THSD7A: variants seen among roughly 807,000 people sequenced by gnomAD.
THSD7A encodes thrombospondin type 1 domain containing 7A, also known as thrombospondin type-1 domain-containing protein 7A.
THSD7A carries 96 observed loss-of-function variants against 231.3 expected under a neutral mutation model. The observed-to-expected ratio is 0.41, with a 90% CI of 0.35 to 0.49. THSD7A has a LOEUF of 0.49. Among genes scored for constraint, THSD7A ranks in the 20% least tolerant of loss-of-function variants. The pLI, the probability that THSD7A is intolerant of heterozygous loss-of-function variation, is 0.05. For missense variants in THSD7A, 2,290 were observed against 2,070.2 expected, an observed-to-expected ratio of 1.11 and a Z score of -2.06; for synonymous variants, 940 against 743.3, an observed-to-expected ratio of 1.26 and a Z score of -4.30.
At chr7:11,415,526 A>T (rs1783930792) in intron 17 of THSD7A, among the ~76,000 whole-genome samples, 1 of 152,232 alleles carries the variant, frequency 6.6e-6, no homozygotes, top group Non-Finnish European at 1.5e-5. Flanking sequence ...AGAGGAGATC[A>T]GTCATTCTTC....
At chr7:11,482,365 C>T (rs1786463146) in intron 6 of THSD7A, among the ~76,000 whole-genome samples, 1 of 152,136 alleles carries the variant, frequency 6.6e-6, no homozygotes, top group African/African-American at 2.4e-5. Flanking sequence ...CTATGATTTA[C>T]AAATAATGAC....
chr7:11,713,606 T>G (rs945954743), intron 1 of THSD7A, among the ~76,000 whole-genome samples: 1 of 151,156 alleles, frequency 6.6e-6, no homozygotes, highest in Admixed American at 6.6e-5. Context: ...CAATTGTATA[T>G]GTACCTGATG....
intron 6 of THSD7A, among the ~76,000 whole-genome samples, chr7:11,502,154 A>G (rs373152160): frequency 2.0e-5 from 3 of 152,108 alleles, no homozygotes; most frequent in Non-Finnish European, 2.9e-5. Flanking sequence ...TACTAAAAAC[A>G]ACAACAAAAA....
At chr7:11,551,797 A>G (rs1341804149) in intron 4 of THSD7A, among the ~76,000 whole-genome samples, 2 of 152,144 alleles carry the variant, frequency 1.3e-5, no homozygotes, top group African/African-American at 2.4e-5. Flanking sequence ...AGATTTCTCA[A>G]AGAACTTAAA....
chr7:11,425,771 G>C lies in THSD7A; in HGVS notation c.3249+895C>G, dbSNP rs184357534. Among the ~76,000 whole-genome samples the C allele has an allele frequency of 1.8e-4, 25 of 140,486 alleles. No individual in the cohort carries two copies. In the East Asian group the frequency reaches 2.3e-3, roughly 13 times the overall value. 92.2% of individuals were successfully genotyped at this position (140,486 alleles called of 152,430 possible). ...ACACACACACACACACACACTGAGA[G>C]ACAGAGACAGAGAGCAAGAGAGAGA... On this transcript the variant is annotated intron_variant, in intron 15 of 27. Coordinates refer to ENST00000423059, the MANE Select transcript of THSD7A (RefSeq NM_015204.3).
rs920882661 is a variant in THSD7A, at chr7:11,446,951, A to T, written c.2800+279T>A. Among the ~76,000 whole-genome samples the T allele has an allele frequency of 1.3e-5, 2 of 152,142 alleles. No homozygotes were observed. Among genetic ancestry groups the T allele is most frequent in the African/African-American group, 4.8e-5 (2 of 41,444 alleles). On this transcript the variant is annotated intron_variant, in intron 12 of 27. Transcript: ENST00000423059. The surrounding 1 kb of genome is among the most constrained non-coding windows in gnomAD (Gnocchi z 4.0). ...GTTCCCCAAAAACTTTGCTCCAAGC[A>T]CTTTACAGTCTGCAGGCAGTCCACT... is the stretch of plus-strand genomic sequence containing the variant.
At chr7:11,762,237 T>A (rs1459149221) in intron 1 of THSD7A, among the ~76,000 whole-genome samples, 6 of 152,130 alleles carry the variant, frequency 3.9e-5, no homozygotes, top group African/African-American at 1.4e-4. Flanking sequence ...ATAAAATGGT[T>A]TCTTTGGGCA....
intron 4 of THSD7A, among the ~76,000 whole-genome samples, chr7:11,545,461 C>T (rs1399951596): frequency 6.6e-6 from 1 of 152,124 alleles, no homozygotes; most frequent in African/African-American, 2.4e-5. Flanking sequence ...GAGCTTCTCC[C>T]ACCAAGTGAC....
At chr7:11,791,337 A>C (rs1405609542) in intron 1 of THSD7A, among the ~76,000 whole-genome samples, 1 of 152,018 alleles carries the variant, frequency 6.6e-6, no homozygotes, top group African/African-American at 2.4e-5. Flanking sequence ...TATTATGGGT[A>C]TGGAAATTTT....
intron 1 of THSD7A, among the ~76,000 whole-genome samples, chr7:11,720,312 G>C (rs1781306276): frequency 6.6e-6 from 1 of 151,600 alleles, no homozygotes; most frequent in African/African-American, 2.4e-5. Context: ...CATCAGATGG[G>C]AATCTCTCAA....
intron 1 of THSD7A, among the ~76,000 whole-genome samples, chr7:11,670,490 C>T (rs1162906824): frequency 6.6e-6 from 1 of 152,204 alleles, no homozygotes; most frequent in East Asian, 1.9e-4. Flanking sequence ...TAGGGCTCAC[C>T]TAGCCAGCTA....
At chr7:11,718,374 T>G (rs1781217117) in intron 1 of THSD7A, among the ~76,000 whole-genome samples, 2 of 151,694 alleles carry the variant, frequency 1.3e-5, no homozygotes, top group Admixed American at 6.6e-5. Flanking sequence ...ATTTCATTTC[T>G]GTGTTAAATC....
chr7:11,696,343 A>C (rs571799341), intron 1 of THSD7A, among the ~76,000 whole-genome samples: 138 of 151,706 alleles, frequency 9.1e-4, no homozygotes, highest in Non-Finnish European at 1.8e-3. Flanking sequence ...TTCATTAAGC[A>C]TATTTAGGAC....
rs1005989181 is a variant in THSD7A at position 11,444,750 on chromosome 7, CA to C, written c.3064+1310del. On this transcript the variant is annotated intron_variant, in intron 13 of 27. Transcript: ENST00000423059. The surrounding 1 kb of genome is among the most constrained non-coding windows in gnomAD (Gnocchi z 4.2). ...ATGTATCCCAGAACTTAAAGTATAA[CA>C]AAAAAAAAGAGAGGGGGCACAGTTG... 1.4e-5 allele frequency among the ~76,000 whole-genome samples: 2 copies of C among 143,966 alleles called. No homozygotes were observed. Among genetic ancestry groups the C allele is most frequent in the Admixed American group, 7.0e-5 (1 of 14,336 alleles). The allele number at this position is 143,966 out of a possible 152,430, so 94.4% of individuals were successfully genotyped here. A position where few individuals can be genotyped will look rare whatever the true frequency, so the allele number is the denominator to read the frequency against.
At chr7:11,386,364 C>G (rs117620508) in intron 23 of THSD7A, among the ~76,000 whole-genome samples, 1 of 152,324 alleles carries the variant, frequency 6.6e-6, no homozygotes, top group East Asian at 1.9e-4. Context: ...TTCTCCATAT[C>G]CTCTCTAGCA....
intron 2 of THSD7A, among the ~76,000 whole-genome samples, chr7:11,630,314 T>C (rs922886667): frequency 6.6e-6 from 1 of 152,186 alleles, no homozygotes; most frequent in African/African-American, 2.4e-5. Context: ...AGTCTGGGCC[T>C]GGAAAACAAA....
chr7:11,792,762 T>C (rs1306748230), intron 1 of THSD7A, among the ~76,000 whole-genome samples: 1 of 151,968 alleles, frequency 6.6e-6, no homozygotes, highest in East Asian at 1.9e-4. Context: ...CCATTAAATA[T>C]TTTCTGTAAA....
At chr7:11,504,724 CA>C (rs1434384430) in intron 6 of THSD7A, among the ~76,000 whole-genome samples, 1 of 152,022 alleles carries the variant, frequency 6.6e-6, no homozygotes, top group African/African-American at 2.4e-5. Flanking sequence ...AATCATTTAG[CA>C]AAATTTGAGA....
At chr7:11,721,460 T>A (rs1262122329) in intron 1 of THSD7A, among the ~76,000 whole-genome samples, 2 of 151,858 alleles carry the variant, frequency 1.3e-5, no homozygotes, top group Non-Finnish European at 2.9e-5. Context: ...CTTTGCCTTC[T>A]GCCATGACTG....
Sources: allele counts gnomAD v4.1 joint callset (sites outside exome capture counted in the v4.1 genomes callset), GRCh38; gene constraint gnomAD v4.1.1; non-coding constraint Gnocchi (gnomAD v3.1); transcripts MANE v1.5; gene names NCBI Gene and HGNC (gene_info 2026-07-23, HGNC 2026-07-21).